The following SMIM13 variants were observed in gnomAD, a reference collection of about 807,000 sequenced individuals.
SMIM13 encodes the protein small integral membrane protein 13.
In SMIM13, 3 loss-of-function variants were observed where a neutral mutation model predicts 5.9. The observed-to-expected ratio is 0.51, with a 90% CI of 0.23 to 1.31. SMIM13 has a LOEUF of 1.31. Among genes scored for constraint, SMIM13 ranks in the 40% most tolerant of loss-of-function variants. SMIM13 has a pLI of 0.18. For missense variants in SMIM13, 85 were observed against 109.9 expected, an observed-to-expected ratio of 0.77 and a Z score of 1.01; for synonymous variants, 55 against 46.0, an observed-to-expected ratio of 1.19 and a Z score of -0.79.
In SMIM13 at chr6:11,105,250, C is replaced by A. The variant is rs763685562; in HGVS notation, c.76+10861C>A. The stretch of plus-strand genomic sequence containing the variant: ...TGAGCTTTTTCCAATAACGGGAAAT[C>A]AGGATGGCGGTAGGCTGCTAGTGAA... On this transcript the variant is annotated intron_variant, in intron 1 of 1. Transcript: ENST00000416247. 60 of 1,613,922 alleles carry A rather than the reference C, an allele frequency of 3.7e-5. No individual in the cohort carries two copies. The highest frequency in any genetic ancestry group is 1.6e-4 in the Middle Eastern group (1 of 6,084).
At chr6:11,102,040 A>G (rs1176319293) in intron 1 of SMIM13, among the ~76,000 whole-genome samples, 3 of 152,160 alleles carry the variant, frequency 2.0e-5, no homozygotes, top group Non-Finnish European at 4.4e-5. Flanking sequence ...GCCTGGCCTC[A>G]TCTTTAGCAA....
intron 1 of SMIM13, among the ~76,000 whole-genome samples, chr6:11,106,820 C>G (rs1758090688): frequency 6.6e-6 from 1 of 152,234 alleles, no homozygotes; most frequent in African/African-American, 2.4e-5. Context: ...GGCAAATGAA[C>G]AGCTTCTAAT....
At chr6:11,099,120 A>G (rs1187827982) in intron 1 of SMIM13, among the ~76,000 whole-genome samples, 1 of 151,826 alleles carries the variant, frequency 6.6e-6, no homozygotes, top group African/African-American at 2.4e-5. Flanking sequence ...CTAGCTAATG[A>G]CTCAAAAATT....
At chr6:11,123,692 A>G (rs1024975088) in intron 1 of SMIM13, among the ~76,000 whole-genome samples, 2 of 152,242 alleles carry the variant, frequency 1.3e-5, no homozygotes, top group African/African-American at 4.8e-5. Flanking sequence ...ATTGTTACAT[A>G]ATAATCATAC....
Position 11,128,216 on chromosome 6 carries a change from G to C in SMIM13, c.77-6187G>C, listed in dbSNP as rs544813352. 1.5e-3 allele frequency among the ~76,000 whole-genome samples: 231 copies of C among 152,246 alleles called. 1 individual carries two copies. The highest frequency in any genetic ancestry group is 5.3e-3 in the African/African-American group (219 of 41,536). ...CACTGTTGACTATTTGGGGCCCAAG[G>C]GCTGTCTACTAAGCAGGCAATGCAT... On this transcript the variant is annotated intron_variant, in intron 1 of 1. Transcript: ENST00000416247.
rs189866046 is a variant in SMIM13, at chr6:11,100,122, G to A, written c.76+5733G>A. Among the ~76,000 whole-genome samples, 29 of 151,968 alleles carry A rather than the reference G, an allele frequency of 1.9e-4. No homozygotes were observed. In the Middle Eastern group the frequency reaches 0.01, roughly 53 times the overall value. ...GTTGCCCAGGCTGGAGTCCAGTGGC[G>A]TGATCTCGGCTCACTGCAGCCTCCA... On this transcript the variant is annotated intron_variant, in intron 1 of 1. Coordinates refer to ENST00000416247, the MANE Select transcript of SMIM13 (RefSeq NM_001135575.2).
chr6:11,100,612 C>T (rs1198887398), intron 1 of SMIM13, among the ~76,000 whole-genome samples: 1 of 152,108 alleles, frequency 6.6e-6, no homozygotes, highest in Non-Finnish European at 1.5e-5. Context: ...TGTTGGAGCA[C>T]ATTTTCTAGT....
chr6:11,123,191 G>GAA (rs1758333086), intron 1 of SMIM13, among the ~76,000 whole-genome samples: 1 of 152,148 alleles, frequency 6.6e-6, no homozygotes, highest in African/African-American at 2.4e-5. Context: ...TTAGAAAGCT[G>GAA]GGGGGAGGAG....
intron 1 of SMIM13, 96 bp downstream of exon 1, chr6:11,094,485 G>C (rs1483710003): frequency 1.1e-6 from 1 of 931,000 alleles, no homozygotes; most frequent in Non-Finnish European, 1.6e-6. Flanking sequence ...AAAAACAAAA[G>C]GGCGTGGACG....
Position 11,135,629 on chromosome 6 carries a change from A to G in SMIM13, c.*1027A>G, listed in dbSNP as rs1451118481. On this transcript the variant is annotated 3_prime_UTR_variant, in exon 2 of 2. Transcript: ENST00000416247. Reference sequence around the variant, plus strand: ...ACCGGGAGAGACGTTCTGTGGAAAAATGCAGACATCAATGACTGTGGTTTG... The same window carrying G: ...ACCGGGAGAGACGTTCTGTGGAAAAGTGCAGACATCAATGACTGTGGTTTG... 1 of 152,660 alleles carries G rather than the reference A, an allele frequency of 6.6e-6. No homozygotes were observed. The highest frequency in any genetic ancestry group is 2.4e-5 in the African/African-American group (1 of 41,454). The allele number at this position is 152,660 out of a possible 1,614,324, so 9.5% of individuals were successfully genotyped here.
chr6:11,125,506 G>T (rs1379698286), intron 1 of SMIM13, among the ~76,000 whole-genome samples: 8 of 152,168 alleles, frequency 5.3e-5, no homozygotes, highest in African/African-American at 1.9e-4. Context: ...TGAGGCAGGA[G>T]AATTGCTTGA....
intron 1 of SMIM13, among the ~76,000 whole-genome samples, chr6:11,098,776 G>C (rs1161369345): frequency 6.6e-6 from 1 of 152,098 alleles, no homozygotes; most frequent in Non-Finnish European, 1.5e-5. Context: ...TTTCCATGAT[G>C]TTCTTCCTAC....
chr6:11,125,436 A>C (rs1758365880), intron 1 of SMIM13, among the ~76,000 whole-genome samples: 1 of 152,074 alleles, frequency 6.6e-6, no homozygotes, highest in South Asian at 2.1e-4. Flanking sequence ...TCTCTACTAA[A>C]AATACAAAAA....
At chr6:11,125,344 C>G (rs953198691) in intron 1 of SMIM13, among the ~76,000 whole-genome samples, 2 of 148,554 alleles carry the variant, frequency 1.3e-5, no homozygotes, top group Admixed American at 1.3e-4. Context: ...GCCTGTAATT[C>G]CAGCACTTTG....
intron 1 of SMIM13, among the ~76,000 whole-genome samples, chr6:11,095,380 GC>G: frequency 6.6e-6 from 1 of 152,272 alleles, no homozygotes; most frequent in South Asian, 2.1e-4. Flanking sequence ...CGCTCTTGTT[GC>G]CCAGGCAGGA....
chr6:11,094,527 T>G, intron 1 of SMIM13, 138 bp downstream of exon 1: 1 of 690,672 alleles, frequency 1.4e-6, no homozygotes. Flanking sequence ...TGTTGTCCCT[T>G]AGCCTCTAGG....
In SMIM13 at chr6:11,135,847, T is replaced by C. The variant is rs1758511317; in HGVS notation, c.*1245T>C. 6.6e-6 allele frequency: 1 copy of C among 152,236 alleles called. No individual in the cohort carries two copies. The highest frequency in any genetic ancestry group is 6.5e-5 in the Admixed American group (1 of 15,282). The allele number at this position is 152,236 out of a possible 1,614,324, so 9.4% of individuals were successfully genotyped here. A position where few individuals can be genotyped will look rare whatever the true frequency, so the allele number is the denominator to read the frequency against. Reference sequence around the variant, plus strand: ...TTGTGTCATAGTTTAATGGGCAGTGTTTTTTCTTAGTGATACATATGGTGC... The same window carrying C: ...TTGTGTCATAGTTTAATGGGCAGTGCTTTTTCTTAGTGATACATATGGTGC... On this transcript the variant is annotated 3_prime_UTR_variant, in exon 2 of 2. Coordinates refer to ENST00000416247, the MANE Select transcript of SMIM13 (RefSeq NM_001135575.2).
chr6:11,102,170 C>T (rs1470137895), intron 1 of SMIM13, among the ~76,000 whole-genome samples: 3 of 152,158 alleles, frequency 2.0e-5, no homozygotes, highest in African/African-American at 7.2e-5. Flanking sequence ...CAAAATGCAG[C>T]TTGATTAATG....
At chr6:11,104,681 A>G (rs1345634705) in intron 1 of SMIM13, 4 of 1,614,236 alleles carry the variant, frequency 2.5e-6, no homozygotes, top group Non-Finnish European at 3.4e-6. Context: ...GGTTATAATC[A>G]GCAGGCCGGA....
Sources: gnomAD v4.1 joint callset for allele counts (sites outside exome capture counted in the v4.1 genomes callset) on GRCh38, gnomAD v4.1.1 for gene constraint, MANE v1.5 for transcripts, NCBI Gene and HGNC (gene_info 2026-07-23, HGNC 2026-07-21) for gene names.